The following SLC4A4 variants were observed in gnomAD, a reference collection of about 807,000 sequenced individuals.
The protein encoded by SLC4A4 is electrogenic sodium bicarbonate cotransporter 1.
A neutral mutation model predicts 111.5 loss-of-function variants in SLC4A4; 27 were observed. The observed-to-expected ratio is 0.24, with a 90% CI of 0.18 to 0.33. SLC4A4 has a LOEUF of 0.33. Among genes scored for constraint, SLC4A4 ranks in the 10% least tolerant of loss-of-function variants. The pLI is 1.00. For missense variants in SLC4A4, 909 were observed against 1,315.5 expected, an observed-to-expected ratio of 0.69 and a Z score of 4.78; for synonymous variants, 443 against 463.4, an observed-to-expected ratio of 0.96 and a Z score of 0.57.
chr4:71,210,411 A>G (rs1019435005), intron 1 of SLC4A4, among the ~76,000 whole-genome samples: 2 of 152,266 alleles, frequency 1.3e-5, no homozygotes, highest in Non-Finnish European at 1.5e-5. Context: ...CCAAAGTAAC[A>G]GTTGCCAGAA....
chr4:71,451,088 G>C, intron 10 of SLC4A4, 100 bp from the exon 11 acceptor site: 2 of 788,330 alleles, frequency 2.5e-6, no homozygotes, highest in Non-Finnish European at 4.5e-6. Context: ...TCACCTTAAG[G>C]GTTTTCACTC....
chr4:71,565,231 G>T (rs1463683548), intron 24 of SLC4A4, among the ~76,000 whole-genome samples: 2 of 151,862 alleles, frequency 1.3e-5, no homozygotes, highest in African/African-American at 4.8e-5. Flanking sequence ...GATATTTCCT[G>T]TCATAGCCGA....
At chr4:71,398,978 TTGTGTC>T (rs1720102275) in intron 7 of SLC4A4, among the ~76,000 whole-genome samples, 1 of 152,168 alleles carries the variant, frequency 6.6e-6, no homozygotes, top group South Asian at 2.1e-4. Context: ...GAAAATAAAA[TTGTGTC>T]TGTGCTGAAC....
chr4:71,424,585 C>T (rs1476617642), intron 7 of SLC4A4, among the ~76,000 whole-genome samples: 1 of 152,034 alleles, frequency 6.6e-6, no homozygotes, highest in African/African-American at 2.4e-5. Flanking sequence ...AGACTTGGAA[C>T]CAACCCAAAT....
rs78110823 is a variant in SLC4A4, at chr4:71,543,474, C to A, written c.2443-2876C>A. Among the ~76,000 whole-genome samples, 332 of 152,154 alleles carry A rather than the reference C, an allele frequency of 2.2e-3. 7 individuals are homozygous for A. In the East Asian group the frequency reaches 0.044, roughly 20 times the overall value. ...TATCTGTAATTATTTTATCCCAGAA[C>A]CTTTGTTTATTCTGATGGTTATATA... On this transcript the variant is annotated intron_variant, in intron 18 of 25. Coordinates refer to ENST00000264485, the MANE Select transcript of SLC4A4 (RefSeq NM_001098484.3).
At chr4:71,108,759 T>C (rs1055462696) in intron 2 of SLC4A4, among the ~76,000 whole-genome samples, 7 of 152,188 alleles carry the variant, frequency 4.6e-5, no homozygotes, top group Non-Finnish European at 1.0e-4. Context: ...CTTCTCATTC[T>C]GGAATCCTGG....
chr4:71,505,512 T>C (rs1209063078), intron 16 of SLC4A4, among the ~76,000 whole-genome samples: 1 of 152,056 alleles, frequency 6.6e-6, no homozygotes. Flanking sequence ...TTGAGAAGTG[T>C]CTTTTCATGT....
chr4:71,135,322 G>A (rs1216080930), intron 2 of SLC4A4, among the ~76,000 whole-genome samples: 1 of 129,032 alleles, frequency 7.8e-6, no homozygotes, highest in Non-Finnish European at 1.6e-5. Context: ...TTGAGACAGA[G>A]TCTCACTCTG....
chr4:71,078,013 T>C (rs1425240306), intron 1 of SLC4A4, among the ~76,000 whole-genome samples: 1 of 152,130 alleles, frequency 6.6e-6, no homozygotes, highest in African/African-American at 2.4e-5. Flanking sequence ...GTAGGTCTTC[T>C]TTTCATCCCA....
chr4:71,166,520 C>T (rs1377351727), intron 2 of SLC4A4, among the ~76,000 whole-genome samples: 1 of 152,124 alleles, frequency 6.6e-6, no homozygotes, highest in African/African-American at 2.4e-5. Context: ...GTTTGGCATA[C>T]ATAATAATTT....
chr4:71,413,168 G>A (rs939999306), intron 7 of SLC4A4, among the ~76,000 whole-genome samples: 16 of 152,024 alleles, frequency 1.1e-4, no homozygotes, highest in African/African-American at 3.6e-4. Context: ...TGAGACCTCC[G>A]TGAAGGGTAC....
chr4:71,497,793 A>C, intron 16 of SLC4A4, 101 bp downstream of exon 16: 5 of 970,586 alleles, frequency 5.2e-6, no homozygotes, highest in South Asian at 4.1e-5. Flanking sequence ...CAATGTGTCC[A>C]ATATAATTTT....
chr4:71,249,540 T>G (rs961400525), intron 2 of SLC4A4, among the ~76,000 whole-genome samples: 3 of 152,148 alleles, frequency 2.0e-5, no homozygotes, highest in Non-Finnish European at 4.4e-5. Flanking sequence ...GCTTGTATCT[T>G]ATTAGAGCTG....
At chr4:71,210,063 A>G (rs186196455) in intron 1 of SLC4A4, among the ~76,000 whole-genome samples, 39 of 152,270 alleles carry the variant, frequency 2.6e-4, no homozygotes, top group African/African-American at 8.9e-4. Context: ...GAAGCCTGCC[A>G]TGCTGGCAAT....
chr4:71,392,474 G>T (rs1023808036), intron 6 of SLC4A4, among the ~76,000 whole-genome samples: 4 of 152,032 alleles, frequency 2.6e-5, no homozygotes, highest in African/African-American at 7.2e-5. Context: ...GGTTTATTTA[G>T]AGTAGTGGTT....
intron 3 of SLC4A4, among the ~76,000 whole-genome samples, chr4:71,307,775 A>G (rs10518086): frequency 0.031 from 4,767 of 152,286 alleles, 267 homozygotes; most frequent in African/African-American, 0.11. Flanking sequence ...GCCTACCGTG[A>G]ATTATAGCAA....
intron 3 of SLC4A4, among the ~76,000 whole-genome samples, chr4:71,291,572 A>G (rs1405030485): frequency 6.6e-6 from 1 of 152,020 alleles, no homozygotes; most frequent in Admixed American, 6.6e-5. Context: ...CCCGATTAGC[A>G]AGGACTACAG....
chr4:71,181,567 A>G (rs1309710389), intron 2 of SLC4A4, among the ~76,000 whole-genome samples: 1 of 152,174 alleles, frequency 6.6e-6, no homozygotes, highest in African/African-American at 2.4e-5. Flanking sequence ...GAATTTGTGA[A>G]GCCTGAAATC....
intron 3 of SLC4A4, among the ~76,000 whole-genome samples, chr4:71,306,542 C>T (rs1725701484): frequency 6.6e-6 from 1 of 151,682 alleles, no homozygotes; most frequent in Non-Finnish European, 1.5e-5. Context: ...GAGATTGCGC[C>T]ACTGCACTCC....
Sources: gnomAD v4.1 joint callset for allele counts (sites outside exome capture counted in the v4.1 genomes callset) on GRCh38, gnomAD v4.1.1 for gene constraint, MANE v1.5 for transcripts, NCBI Gene and HGNC (gene_info 2026-07-23, HGNC 2026-07-21) for gene names.